The following FHL1 variants were observed in gnomAD, a reference collection of about 807,000 sequenced individuals.
FHL1 encodes the protein four and a half LIM domains protein 1.
Under a neutral mutation model 20.3 loss-of-function variants are expected in FHL1, and 1 was observed. The ratio of observed to expected loss-of-function variants is 0.05; its 90% CI spans 0.02 to 0.23. The LOEUF (loss-of-function observed/expected upper bound fraction) is 0.23. Ranked by LOEUF, FHL1 falls within the 10% of genes least tolerant of loss-of-function variation. The pLI is 1.00. For synonymous variants in FHL1, 82 were observed against 88.9 expected, an observed-to-expected ratio of 0.92 and a Z score of 0.44; for missense variants, 177 against 234.0, an observed-to-expected ratio of 0.76 and a Z score of 1.59.
In FHL1 at chrX:136,202,523, C is replaced by T. The variant is rs1319142508; in HGVS notation, c.23-3884C>T. Among the ~76,000 whole-genome samples, 5 of 111,512 alleles carry T rather than the reference C, an allele frequency of 4.5e-5. No homozygotes were observed. The Admixed American group carries it at 4.7e-4, about 11-fold the overall frequency. On this transcript the variant is annotated intron_variant, in intron 1 of 5. Transcript: ENST00000370683. ...GCCTGTAAAATGCACTTTGGGAGGC[C>T]AAGGCAGGTGGATCATGAGGTCAGG...
chrX:136,201,573 T>C (rs2073710102), intron 1 of FHL1, among the ~76,000 whole-genome samples: 2 of 110,892 alleles, frequency 1.8e-5, no homozygotes, highest in Admixed American at 9.5e-5. Flanking sequence ...CAGTTTCAGG[T>C]GTTTCTGTCT....
chrX:136,148,976 G>T (rs2072190108), intron 1 of FHL1, among the ~76,000 whole-genome samples: 1 of 112,204 alleles, frequency 8.9e-6, no homozygotes, highest in Non-Finnish European at 1.9e-5. Context: ...GGGATTATCC[G>T]AGCCCCCTTT....
At chrX:136,175,023 C>T (rs2072965624) in intron 2 of FHL1, among the ~76,000 whole-genome samples, 1 of 112,131 alleles carries the variant, frequency 8.9e-6, no homozygotes, top group South Asian at 3.7e-4. Flanking sequence ...TGAAAAAGCA[C>T]ACCAGGAAAA....
chrX:136,165,398 G>A (rs915391414), upstream of FHL1, among the ~76,000 whole-genome samples: 9 of 111,947 alleles, frequency 8.0e-5, no homozygotes, highest in Non-Finnish European at 1.5e-4. Flanking sequence ...CATTTAAAAT[G>A]TGTTTTTAAT....
intron 2 of FHL1, among the ~76,000 whole-genome samples, chrX:136,178,729 G>T (rs2073073962): frequency 9.4e-6 from 1 of 106,455 alleles, no homozygotes; most frequent in African/African-American, 3.4e-5. Context: ...CTTAAACCAT[G>T]TGTGAGAGGA....
intron 1 of FHL1, among the ~76,000 whole-genome samples, chrX:136,161,696 A>G (rs923765063): frequency 9.8e-5 from 11 of 111,898 alleles, no homozygotes; most frequent in Admixed American, 1.9e-4. Context: ...TGGAGCGCCA[A>G]TGCCAATTTA....
chrX:136,207,794 G>A lies in FHL1; in HGVS notation c.382G>A (p.Asp128Asn), dbSNP rs765383832. 2 of 1,211,757 alleles carry A rather than the reference G, an allele frequency of 1.7e-6. No individual in the cohort carries two copies. Among genetic ancestry groups the A allele is most frequent in the South Asian group, 1.8e-5 (1 of 56,973 alleles). Residue 128 changes from aspartate to asparagine, a missense_variant and splice_region_variant, in exon 4 of 6, where the codon GAT (aspartate) becomes AAT (asparagine). Transcript: ENST00000370683. Reference protein sequence around the residue: ...KGCFKAIVAGDQNVEYKGTVW... With the variant: ...KGCFKAIVAGNQNVEYKGTVW... ...TATCCAATTGCTTCCCTCTGCAGGA[G>A]ATCAAAACGTGGAGTACAAGGGGAC...
intron 2 of FHL1, among the ~76,000 whole-genome samples, chrX:136,170,697 C>T (rs1016146960): frequency 1.8e-5 from 2 of 111,128 alleles, no homozygotes; most frequent in African/African-American, 3.3e-5. Flanking sequence ...AGAGAAGGCT[C>T]ATCCAGGCAC....
intron 1 of FHL1, among the ~76,000 whole-genome samples, chrX:136,148,968 G>T (rs2072189464): frequency 8.9e-6 from 1 of 112,216 alleles, no homozygotes; most frequent in Non-Finnish European, 1.9e-5. Flanking sequence ...ATCCCTTCGG[G>T]ATTATCCGAG....
intron 1 of FHL1, among the ~76,000 whole-genome samples, chrX:136,199,413 G>GA (rs199568636): frequency 0.019 from 2,103 of 111,896 alleles, 41 homozygotes; most frequent in African/African-American, 0.063. Context: ...ATTTTGAAGG[G>GA]AAAAAACACT....
Position 136,208,372 on chromosome X carries a change from G to A in FHL1, c.550-83G>A. 5.9e-6 allele frequency: 6 copies of A among 1,022,443 alleles called. No homozygotes were observed. The East Asian group carries it at 1.2e-4, about 21-fold the overall frequency. The allele number at this position is 1,022,443 out of a possible 1,213,427, so 84.3% of individuals were successfully genotyped here. The stretch of plus-strand genomic sequence containing the variant: ...TAAATGAGATATTGTATACCAAAGC[G>A]CCCAGCACAGTGCCTGGCACGCAGT... On this transcript the variant is annotated intron_variant, in intron 4 of 5. Transcript: ENST00000370683.
At chrX:136,187,966 A>G in intron 2 of FHL1, among the ~76,000 whole-genome samples, 1 of 112,229 alleles carries the variant, frequency 8.9e-6, no homozygotes, top group Non-Finnish European at 1.9e-5. Flanking sequence ...AAGCACAGGC[A>G]TGTAAATTAT....
At chrX:136,185,620 A>T (rs17001831) in intron 2 of FHL1, among the ~76,000 whole-genome samples, 1,875 of 111,881 alleles carry the variant, frequency 0.017, 39 homozygotes, top group African/African-American at 0.056. Flanking sequence ...ATAGTCATAG[A>T]ACATGGGTCA....
chrX:136,210,157 C>A lies in FHL1; in HGVS notation c.*132C>A. Reference sequence around the variant, plus strand: ...TAAAGTTCTCCTTCCGTCTTTTCTCCCATTTTACAGTATTACTCAAATAAG... The same window carrying A: ...TAAAGTTCTCCTTCCGTCTTTTCTCACATTTTACAGTATTACTCAAATAAG... On this transcript the variant is annotated 3_prime_UTR_variant, in exon 6 of 6. Coordinates refer to ENST00000370683, the MANE Select transcript of FHL1 (RefSeq NM_001159699.2). 1.0e-6 allele frequency: 1 copy of A among 969,963 alleles called. No homozygotes were observed. The highest frequency in any genetic ancestry group is 1.5e-6 in the Non-Finnish European group (1 of 682,614). 79.9% of individuals were successfully genotyped at this position (969,963 alleles called of 1,213,427 possible). A position where few individuals can be genotyped will look rare whatever the true frequency, so the allele number is the denominator to read the frequency against.
rs376779999 is a variant in FHL1 at position 136,171,133 on chromosome X, C to T, written c.-27+1153C>T. ...AAGGCCCTCGGGCTTGAAGCAAGCT[C>T]GGTGATACAAGCTTTCAGCAGCTTC... On this transcript the variant is annotated intron_variant, in intron 2 of 6. Coordinates refer to the FHL1 transcript ENST00000394153. Among the ~76,000 whole-genome samples, 29 of 111,436 alleles carry T rather than the reference C, an allele frequency of 2.6e-4. 1 individual carries two copies. The highest frequency in any genetic ancestry group is 5.1e-4 in the Non-Finnish European group (27 of 53,093).
chrX:136,160,872 TC>T (rs2072547602), intron 1 of FHL1, among the ~76,000 whole-genome samples: 1 of 110,996 alleles, frequency 9.0e-6, no homozygotes, highest in South Asian at 3.8e-4. Flanking sequence ...CTCCCTCAAG[TC>T]CCATTTCATG....
chrX:136,162,751 A>AT (rs1272880945), intron 1 of FHL1, among the ~76,000 whole-genome samples: 5 of 111,718 alleles, frequency 4.5e-5, no homozygotes, highest in Non-Finnish European at 9.4e-5. Context: ...GGCTATAGGA[A>AT]TTTGGGTCAG....
chrX:136,202,131 G>A (rs1214686013), intron 1 of FHL1, among the ~76,000 whole-genome samples: 4 of 111,836 alleles, frequency 3.6e-5, no homozygotes, highest in African/African-American at 6.5e-5. Context: ...TTGGGAGGCC[G>A]AGGTGGGCAG....
chrX:136,181,870 A>C (rs894048440), intron 2 of FHL1, among the ~76,000 whole-genome samples: 1 of 111,965 alleles, frequency 8.9e-6, no homozygotes, highest in Non-Finnish European at 1.9e-5. Flanking sequence ...TCCATCCATC[A>C]GTCTATCTTA....
Sources: gnomAD v4.1 joint callset for allele counts (sites outside exome capture counted in the v4.1 genomes callset) on GRCh38, gnomAD v4.1.1 for gene constraint, MANE v1.5 for transcripts, NCBI Gene and HGNC (gene_info 2026-07-23, HGNC 2026-07-21) for gene names.